The following SOD2 variants were observed in gnomAD, a reference collection of about 807,000 sequenced individuals.
The protein encoded by SOD2 is superoxide dismutase [Mn], mitochondrial.
Under a neutral mutation model 27.0 loss-of-function variants are expected in SOD2, and 11 were observed. The ratio of observed to expected loss-of-function variants is 0.41; its 90% CI spans 0.26 to 0.67. The LOEUF (loss-of-function observed/expected upper bound fraction) is 0.67, where lower values mean the gene tolerates loss of function less well. Among genes scored for constraint, SOD2 ranks in the 30% least tolerant of loss-of-function variants. The pLI, the probability that SOD2 is intolerant of heterozygous loss-of-function variation, is 0.34. For synonymous variants in SOD2, 105 were observed against 103.0 expected, an observed-to-expected ratio of 1.02 and a Z score of -0.12; for missense variants, 250 against 274.5, an observed-to-expected ratio of 0.91 and a Z score of 0.63.
chr6:159,710,719 C>T (rs918321332), intron 1 of SOD2, among the ~76,000 whole-genome samples: 1 of 151,694 alleles, frequency 6.6e-6, no homozygotes, highest in African/African-American at 2.4e-5. Context: ...TCCATAACCA[C>T]CAGTCACACT....
Position 159,684,965 on chromosome 6 carries a change from C to G in SOD2, c.412G>C (p.Ala138Pro). The G allele has an allele frequency of 6.2e-7, 1 of 1,613,588 alleles. No individual in the cohort carries two copies. The highest frequency in any genetic ancestry group is 8.5e-7 in the Non-Finnish European group (1 of 1,179,738). The change falls in exon 4 of 5, where the codon GCA becomes CCA. Residue 138 changes from alanine (A) to proline (P), a missense_variant. Coordinates refer to ENST00000538183, the MANE Select transcript of SOD2 (RefSeq NM_000636.4). Reference protein sequence around the residue: ...FDKFKEKLTAASVGVQGSGWG... With the variant: ...FDKFKEKLTAPSVGVQGSGWG... ...CCTGAGCCTTGGACACCAACAGATG[C>G]AGCCGTCAGCTTCTCCTTAAACTTG... is the stretch of plus-strand genomic sequence containing the variant.
At chr6:159,729,835 T>C (rs1248864152), upstream of SOD2, among the ~76,000 whole-genome samples, 2 of 152,202 alleles carry the variant, frequency 1.3e-5, no homozygotes, top group Non-Finnish European at 2.9e-5. Flanking sequence ...ACTGAAGTTG[T>C]TTTGGCTGGC....
chr6:159,708,925 C>T (rs547993518), intron 1 of SOD2, among the ~76,000 whole-genome samples: 37 of 148,350 alleles, frequency 2.5e-4, no homozygotes, highest in Non-Finnish European at 4.0e-4. Context: ...GAGATATAGA[C>T]CAATGGAACA....
At chr6:159,730,637 G>C (rs1157831042), upstream of SOD2, among the ~76,000 whole-genome samples, 1 of 152,202 alleles carries the variant, frequency 6.6e-6, no homozygotes, top group East Asian at 1.9e-4. Flanking sequence ...GACTTTCAAG[G>C]AAAGATTTAC....
upstream of SOD2, among the ~76,000 whole-genome samples, chr6:159,747,580 T>C (rs1228115206): frequency 6.6e-6 from 1 of 152,240 alleles, no homozygotes; most frequent in African/African-American, 2.4e-5. Context: ...TGTATATTTT[T>C]TCCTTTAGAA....
At chr6:159,731,736 T>C (rs916238398), upstream of SOD2, among the ~76,000 whole-genome samples, 14 of 152,156 alleles carry the variant, frequency 9.2e-5, no homozygotes, top group Admixed American at 5.9e-4. Flanking sequence ...AGCACAGTAT[T>C]TGGGCCCTGG....
chr6:159,721,520 C>T (rs1285167657), intron 1 of SOD2, among the ~76,000 whole-genome samples: 1 of 152,116 alleles, frequency 6.6e-6, no homozygotes, highest in East Asian at 1.9e-4. Context: ...AGGCATGTGC[C>T]ACCATGCCCG....
intron 1 of SOD2, among the ~76,000 whole-genome samples, chr6:159,752,649 C>A (rs1167942423): frequency 6.6e-6 from 1 of 151,458 alleles, no homozygotes; most frequent in African/African-American, 2.4e-5. Context: ...CCAATAAAGT[C>A]TTAAGTCTTT....
In SOD2 at chr6:159,726,960, G is replaced by A. The variant is rs751767824; in HGVS notation, c.-116+169C>T. 624 of 1,285,654 alleles carry A rather than the reference G, an allele frequency of 4.9e-4. 2 individuals carry two copies. Among genetic ancestry groups the A allele is most frequent in the Non-Finnish European group, 6.0e-4 (589 of 986,956 alleles). The allele number at this position is 1,285,654 out of a possible 1,614,324, so 79.6% of individuals were successfully genotyped here. ...CGGAAGCATCACGGATGAGCGTCAC[G>A]AACACAGAGCGGCCAATCACGCGCC... On this transcript the variant is annotated intron_variant, in intron 1 of 2. Transcript: ENST00000401980.
At chr6:159,692,558 C>T (rs1164017961) in intron 2 of SOD2, 103 bp downstream of exon 2, 2 of 1,552,544 alleles carry the variant, frequency 1.3e-6, no homozygotes, top group Admixed American at 4.1e-5. Flanking sequence ...GGTACAAATA[C>T]GAAGCGAGTT....
Position 159,761,406 on chromosome 6 carries a change from C to A in SOD2, c.-705G>T, listed in dbSNP as rs116119713. The A allele has an allele frequency of 3.5e-3, 1,342 of 387,092 alleles. 17 individuals are homozygous for A. Among genetic ancestry groups the A allele is most frequent in the African/African-American group, 0.025 (1,187 of 47,166 alleles). 24.0% of individuals were successfully genotyped at this position (387,092 alleles called of 1,614,324 possible). On this transcript the variant is annotated 5_prime_UTR_variant, in exon 1 of 8. Coordinates refer to the SOD2 transcript ENST00000546087. Reference sequence around the variant, plus strand: ...CAAAGGAACTTTTGTGACGCTAAGACGCTCCCGGCGTCCTCACCCGTTCAC... The same window carrying A: ...CAAAGGAACTTTTGTGACGCTAAGAAGCTCCCGGCGTCCTCACCCGTTCAC...
At chr6:159,727,561 G>A (rs940088923), upstream of SOD2, 39 of 988,742 alleles carry the variant, frequency 3.9e-5, no homozygotes, top group Non-Finnish European at 4.0e-5. Context: ...GAGCGCAGGG[G>A]TTGCGGCGGG....
chr6:159,736,453 G>A, intron 1 of SOD2: 6 of 589,790 alleles, frequency 1.0e-5, no homozygotes, highest in Middle Eastern at 9.0e-4. Context: ...GTTGTACAGT[G>A]TGCCAGATAT....
intron 1 of SOD2, among the ~76,000 whole-genome samples, chr6:159,733,736 AAACCCCGTCTCT>A (rs1332683893): frequency 2.0e-5 from 3 of 151,840 alleles, no homozygotes; most frequent in African/African-American, 7.3e-5. Flanking sequence ...CAACATGGAG[AAACCCCGTCTCT>A]ACTAAAAATA....
chr6:159,698,701 A>T (rs1377756661), intron 1 of SOD2, among the ~76,000 whole-genome samples: 1 of 152,064 alleles, frequency 6.6e-6, no homozygotes, highest in Admixed American at 6.6e-5. Context: ...TTGACCGGCA[A>T]TAACATAAAG....
chr6:159,690,312 T>A (rs1780396930), intron 2 of SOD2, among the ~76,000 whole-genome samples: 1 of 140,346 alleles, frequency 7.1e-6, no homozygotes, highest in African/African-American at 2.7e-5. Flanking sequence ...AAAAAGTATG[T>A]CTGACTAGGC....
upstream of SOD2, among the ~76,000 whole-genome samples, chr6:159,732,047 C>T (rs1470212000): frequency 6.6e-6 from 1 of 152,016 alleles, no homozygotes; most frequent in African/African-American, 2.4e-5. Flanking sequence ...TGCCAAAATC[C>T]TGGCATAGGA....
upstream of SOD2, among the ~76,000 whole-genome samples, chr6:159,728,191 C>A (rs182881396): frequency 6.6e-6 from 1 of 152,348 alleles, no homozygotes; most frequent in East Asian, 1.9e-4. Context: ...TATAAGCATT[C>A]TGAGGAAAGA....
At chr6:159,719,442 C>A (rs967701722) in intron 1 of SOD2, among the ~76,000 whole-genome samples, 1 of 151,804 alleles carries the variant, frequency 6.6e-6, no homozygotes, top group Non-Finnish European at 1.5e-5. Flanking sequence ...GTGGGAAAAT[C>A]GCTTGAACCA....
Sources: allele counts gnomAD v4.1 joint callset (sites outside exome capture counted in the v4.1 genomes callset), GRCh38; gene constraint gnomAD v4.1.1; transcripts MANE v1.5; gene names NCBI Gene and HGNC (gene_info 2026-07-23, HGNC 2026-07-21).